TBC1D8: variants seen among roughly 807,000 people sequenced by gnomAD.
TBC1D8 encodes TBC1 domain family member 8.
Under a neutral mutation model 118.8 loss-of-function variants are expected in TBC1D8, and 65 were observed. The observed-to-expected ratio is 0.55, with a 90% confidence interval of 0.45 to 0.67. The LOEUF (loss-of-function observed/expected upper bound fraction) is 0.67, where lower values mean the gene tolerates loss of function less well. TBC1D8 is among the 30% of genes least tolerant of loss of function. The pLI is 0.00. For synonymous variants in TBC1D8, 566 were observed against 595.8 expected, an observed-to-expected ratio of 0.95 and a Z score of 0.73; for missense variants, 1,376 against 1,471.2, an observed-to-expected ratio of 0.94 and a Z score of 1.06.
At chr2:101,114,838 A>G (rs565771607) in intron 1 of TBC1D8, among the ~76,000 whole-genome samples, 18 of 152,330 alleles carry the variant, frequency 1.2e-4, no homozygotes, top group African/African-American at 4.3e-4. Context: ...AAGCAGAGAA[A>G]GTAGGAGAGT....
At chr2:101,018,963 A>G (rs775393570) in intron 17 of TBC1D8, 4 of 1,605,200 alleles carry the variant, frequency 2.5e-6, no homozygotes, top group Admixed American at 1.7e-5. Context: ...GTTACCTGAC[A>G]TGGTACCAAA....
chr2:101,133,460 C>T (rs1262101429), intron 1 of TBC1D8, among the ~76,000 whole-genome samples: 2 of 152,124 alleles, frequency 1.3e-5, no homozygotes, highest in African/African-American at 2.4e-5. Context: ...ACAAAATCTC[C>T]ACTACCTGGA....
rs1678880464 is a variant in TBC1D8 at position 101,008,125 on chromosome 2, C to T, written c.3164G>A (p.Cys1055Tyr). 2 of 1,613,770 alleles carry T rather than the reference C, an allele frequency of 1.2e-6. No individual in the cohort carries two copies. The highest frequency in any genetic ancestry group is 1.7e-6 in the Non-Finnish European group (2 of 1,179,830). Reference sequence around the variant, plus strand: ...CAGCTCCTCCCCACACTCCTGGGAGCAGCTTCCAGAGCTGCTGCCTCGCTG... The same window carrying T: ...CAGCTCCTCCCCACACTCCTGGGAGTAGCTTCCAGAGCTGCTGCCTCGCTG... The part of the protein sequence containing the change: ...VGQRGSSSGS[C>Y]SQECGEELRA... Residue 1055 changes from cysteine to tyrosine, a missense_variant, in exon 20 of 20, where the codon TGC becomes TAC. Cys to Tyr is a radical substitution (Grantham distance 194, BLOSUM62 -2). Transcript: ENST00000409318.
chr2:101,061,469 T>G (rs558638290), intron 2 of TBC1D8, among the ~76,000 whole-genome samples: 19 of 152,166 alleles, frequency 1.2e-4, no homozygotes, highest in Non-Finnish European at 1.9e-4. Context: ...TTTAAAACAG[T>G]GGTGCCTATT....
At chr2:101,061,691 TCCA>T (rs1682762004) in intron 2 of TBC1D8, among the ~76,000 whole-genome samples, 3 of 151,966 alleles carry the variant, frequency 2.0e-5, no homozygotes, top group Non-Finnish European at 2.9e-5. Flanking sequence ...TGTCATGCTC[TCCA>T]TGGATCACAG....
Position 101,054,331 on chromosome 2 carries a change from C to A in TBC1D8, c.408G>T (p.Leu136=). The stretch of plus-strand genomic sequence containing the variant: ...GCCTGCTGCTGGTCTCCTCGGCTAT[C>A]AGAGCCTGACACACAGAGATGACAG... ...ASFVKGKVKA[L]IAEETSSRLA... The change falls in exon 4 of 20, where the codon CTG becomes CTT. Residue 136 remains leucine (L), a synonymous_variant. Transcript: ENST00000409318. 1.3e-6 allele frequency: 2 copies of A among 1,558,682 alleles called. No homozygotes were observed. Among genetic ancestry groups the A allele is most frequent in the East Asian group, 4.8e-5 (2 of 41,580 alleles).
chr2:101,099,622 G>A (rs1676696346), intron 1 of TBC1D8, among the ~76,000 whole-genome samples: 1 of 152,130 alleles, frequency 6.6e-6, no homozygotes, highest in Non-Finnish European at 1.5e-5. Flanking sequence ...ATAACATACT[G>A]GCAAATCAAA....
intron 1 of TBC1D8, among the ~76,000 whole-genome samples, chr2:101,111,864 T>C (rs1248918733): frequency 1.3e-5 from 2 of 151,722 alleles, no homozygotes; most frequent in African/African-American, 4.9e-5. Context: ...CACCAAACTG[T>C]ACATTTAACA....
intron 1 of TBC1D8, among the ~76,000 whole-genome samples, chr2:101,146,277 C>T (rs1679314025): frequency 6.6e-6 from 1 of 152,198 alleles, no homozygotes; most frequent in Non-Finnish European, 1.5e-5. Context: ...CTTACCTTGA[C>T]TCCAAAGGTT....
chr2:101,008,420 C>G, intron 19 of TBC1D8, 147 bp from the exon 20 acceptor site: 1 of 686,514 alleles, frequency 1.5e-6, no homozygotes, highest in Non-Finnish European at 2.3e-6. Context: ...CCTTTCCACT[C>G]TAAACTATTA....
chr2:101,056,715 T>A (rs543196861), intron 3 of TBC1D8, among the ~76,000 whole-genome samples: 1 of 152,214 alleles, frequency 6.6e-6, no homozygotes, highest in South Asian at 2.1e-4. Flanking sequence ...GAGGGGTCTT[T>A]ATGAAGGCTC....
At chr2:101,086,416 TAAAGA>T (rs767247824) in intron 2 of TBC1D8, among the ~76,000 whole-genome samples, 2 of 152,088 alleles carry the variant, frequency 1.3e-5, no homozygotes, top group African/African-American at 4.8e-5. Flanking sequence ...CTAAAGTGAT[TAAAGA>T]AACCAATCTG....
chr2:101,083,717 C>T (rs1030261015), intron 2 of TBC1D8, among the ~76,000 whole-genome samples: 4 of 152,212 alleles, frequency 2.6e-5, no homozygotes, highest in Admixed American at 1.3e-4. Context: ...ATAAATCATT[C>T]GTGCAGGCCA....
chr2:101,151,351 G>A lies in TBC1D8; in HGVS notation c.-98C>T, dbSNP rs1319609355. On this transcript the variant is annotated 5_prime_UTR_variant, in exon 1 of 20. Transcript: ENST00000409318. ...GCTCGAGAGGCGACGGCGGCGCGCG[G>A]GGACCACAGCCCGGCCGGTGCCCAG... 13 of 1,059,672 alleles carry A rather than the reference G, an allele frequency of 1.2e-5. No individual in the cohort carries two copies. The highest frequency in any genetic ancestry group is 5.5e-5 in the Admixed American group (1 of 18,166). The allele number at this position is 1,059,672 out of a possible 1,614,324, so 65.6% of individuals were successfully genotyped here.
chr2:101,064,194 C>G (rs990959786), intron 2 of TBC1D8, among the ~76,000 whole-genome samples: 13 of 152,236 alleles, frequency 8.5e-5, no homozygotes, highest in African/African-American at 2.9e-4. Context: ...GTCATTAAAG[C>G]AGGGCTCTAG....
chr2:101,019,680 C>T (rs1177355597), intron 17 of TBC1D8: 2 of 152,130 alleles, frequency 1.3e-5, no homozygotes, highest in African/African-American at 4.8e-5. Context: ...TTTTCTGAAA[C>T]CATGAAGGAC....
intron 17 of TBC1D8, among the ~76,000 whole-genome samples, chr2:101,021,463 C>T (rs1680024023): frequency 6.6e-6 from 1 of 152,132 alleles, no homozygotes; most frequent in Non-Finnish European, 1.5e-5. Flanking sequence ...GTTTAACAGG[C>T]CCTCCAGGCA....
At chr2:101,030,566 A>T (rs1177822746) in intron 11 of TBC1D8, among the ~76,000 whole-genome samples, 1 of 152,254 alleles carries the variant, frequency 6.6e-6, no homozygotes, top group African/African-American at 2.4e-5. Flanking sequence ...GGTATGAGAC[A>T]AATGAACATG....
At chr2:101,049,588 C>T (rs575452419) in intron 5 of TBC1D8, among the ~76,000 whole-genome samples, 3 of 151,796 alleles carry the variant, frequency 2.0e-5, no homozygotes, top group South Asian at 2.1e-4. Flanking sequence ...ATTAGCTGGG[C>T]GTGGTGGTGG....
Sources: allele counts gnomAD v4.1 joint callset (sites outside exome capture counted in the v4.1 genomes callset), GRCh38; gene constraint gnomAD v4.1.1; transcripts MANE v1.5; gene names NCBI Gene and HGNC (gene_info 2026-07-23, HGNC 2026-07-21).